BTBD3: variants seen among roughly 807,000 people sequenced by gnomAD.
The protein encoded by BTBD3 is BTB/POZ domain-containing protein 3.
In BTBD3, 14 loss-of-function variants were observed where a neutral mutation model predicts 41.6. That is an observed-to-expected ratio of 0.34 (90% confidence interval 0.22 to 0.53). The LOEUF (loss-of-function observed/expected upper bound fraction) is 0.53. Ranked by LOEUF, BTBD3 falls within the 20% of genes least tolerant of loss-of-function variation. BTBD3 has a pLI of 0.95. For missense variants in BTBD3, 426 were observed against 654.7 expected (o/e 0.65, Z 3.81); for synonymous variants, 249 against 233.7 (o/e 1.07, Z -0.60).
upstream of BTBD3, among the ~76,000 whole-genome samples, chr20:11,914,599 A>G (rs2056907224): frequency 6.6e-6 from 1 of 152,012 alleles, no homozygotes; most frequent in Admixed American, 6.6e-5. Context: ...CATTGTGCAC[A>G]TGTACACTAA....
chr20:11,913,337 A>AGCAGC (rs1417540983), upstream of BTBD3: 1 of 152,160 alleles, frequency 6.6e-6, no homozygotes, highest in African/African-American at 2.4e-5. Flanking sequence ...TCTGTTTTTG[A>AGCAGC]GCAGCGTCCT....
chr20:11,922,992 C>T lies in BTBD3; in HGVS notation c.895C>T (p.Arg299Ter). The T allele has an allele frequency of 1.2e-6, 2 of 1,614,190 alleles. No homozygotes were observed. Among genetic ancestry groups the T allele is most frequent in the Non-Finnish European group, 1.7e-6 (2 of 1,180,040 alleles). The change falls in exon 4 of 4, where the codon CGA becomes TGA. Residue 299 changes from arginine (R) to a stop codon, truncating the protein, a stop_gained. Transcript: ENST00000378226. LOFTEE classifies it high-confidence loss of function. ...ALNWAEVECQRQDLALSIENK... is the reference protein window; with the variant it reads ...ALNWAEVECQ ...CAACTGGGCTGAAGTAGAATGCCAA[C>T]GACAAGATCTGGCGTTGAGCATTGA...
Position 11,919,705 on chromosome 20 carries a change from C to T in BTBD3, c.418-13C>T. ...AATTTAGTGTATGAAATAAGATTTCCCTTTCTACACAGTATGTTTTAGCTG... is the reference window on the plus strand; with the variant it reads ...AATTTAGTGTATGAAATAAGATTTCTCTTTCTACACAGTATGTTTTAGCTG... On this transcript the variant is annotated splice_polypyrimidine_tract_variant and intron_variant, in intron 2 of 3. Transcript: ENST00000378226. 6.2e-7 allele frequency: 1 copy of T among 1,610,282 alleles called. No individual in the cohort carries two copies. Among genetic ancestry groups the T allele is most frequent in the Middle Eastern group, 1.7e-4 (1 of 6,054 alleles).
chr20:11,924,878 TTTA>T lies in BTBD3; in HGVS notation c.*1217_*1219del, dbSNP rs2057005812. Reference sequence around the variant, plus strand: ...TAAAAAATGGCCTGGAGTGACACATTTTATTATACCTAATATTCACTGCATCAG... The same window carrying T: ...TAAAAAATGGCCTGGAGTGACACATTTTATACCTAATATTCACTGCATCAG... On this transcript the variant is annotated 3_prime_UTR_variant, in exon 4 of 4. Transcript: ENST00000378226. 1 of 152,656 alleles carries T rather than the reference TTTA, an allele frequency of 6.6e-6. No homozygotes were observed. Among genetic ancestry groups the T allele is most frequent in the Non-Finnish European group, 1.5e-5 (1 of 68,042 alleles). The allele number at this position is 152,656 out of a possible 1,614,324, so 9.5% of individuals were successfully genotyped here. A position where few individuals can be genotyped will look rare whatever the true frequency, so the allele number is the denominator to read the frequency against.
At chr20:11,892,655 C>T (rs562838787) in intron 1 of BTBD3, 1 of 152,306 alleles carries the variant, frequency 6.6e-6, no homozygotes, top group South Asian at 2.1e-4. Context: ...CTTGATTTCT[C>T]ATTCTTTCCC....
chr20:11,906,370 T>C lies in BTBD3; in HGVS notation c.-125-11964T>C, dbSNP rs567167171. Among the ~76,000 whole-genome samples, 162 of 147,142 alleles carry C rather than the reference T, an allele frequency of 1.1e-3. 1 individual carries two copies. Among genetic ancestry groups the C allele is most frequent in the African/African-American group, 3.9e-3 (156 of 40,080 alleles). On this transcript the variant is annotated intron_variant, in intron 1 of 4. Coordinates refer to the BTBD3 transcript ENST00000254977. The stretch of plus-strand genomic sequence containing the variant: ...ACCTCTGCCTCCCAGGCTCAAGTAT[T>C]CTCCTGCCTCAGCCTCTCAAGTAGC...
chr20:11,922,713 C>G lies in BTBD3; in HGVS notation c.616C>G (p.Pro206Ala). The G allele has an allele frequency of 6.2e-7, 1 of 1,614,178 alleles. No homozygotes were observed. Among genetic ancestry groups the G allele is most frequent in the Non-Finnish European group, 8.5e-7 (1 of 1,180,040 alleles). The change falls in exon 4 of 4, where the codon CCT becomes GCT. Residue 206 changes from proline (P) to alanine (A), a missense_variant. Around this residue, in one of 3 missense-constraint regions of BTBD3, gnomAD observed 321 missense variants for 534.8 expected, o/e 0.60. Transcript: ENST00000378226. ...TLYAAKKYIV[P>A]HLARACVNFL... The stretch of plus-strand genomic sequence containing the variant: ...TTATGCTGCCAAAAAGTACATTGTC[C>G]CTCACCTTGCCAGAGCCTGTGTTAA...
intron 1 of BTBD3, among the ~76,000 whole-genome samples, chr20:11,909,150 T>A (rs1850699811): frequency 1.3e-5 from 2 of 151,954 alleles, no homozygotes; most frequent in South Asian, 4.2e-4. Context: ...GGCGCATTCC[T>A]GTAATCTCAG....
In BTBD3 at chr20:11,922,823, G is replaced by C. The variant is rs1312545028; in HGVS notation, c.726G>C (p.Gln242His). 6.2e-7 allele frequency: 1 copy of C among 1,614,112 alleles called. No homozygotes were observed. Among genetic ancestry groups the C allele is most frequent in the African/African-American group, 1.3e-5 (1 of 74,940 alleles). ...TGTTCGAGGAGCCAGACCTGACCCA[G>C]CGTTGCTGGGAGGTGATTGATGCCC... is the stretch of plus-strand genomic sequence containing the variant. ...SCLFEEPDLT[Q>H]RCWEVIDAQA... Residue 242 changes from glutamine (Q) to histidine (H), a missense_variant, in exon 4 of 4, where the codon CAG becomes CAC. Physicochemically the swap from Gln to His is conservative, Grantham distance 24. Coordinates refer to ENST00000378226, the MANE Select transcript of BTBD3 (RefSeq NM_014962.4).
chr20:11,895,580 G>C lies in BTBD3; in HGVS notation c.-126+4626G>C, dbSNP rs533110559. 1.3e-3 allele frequency among the ~76,000 whole-genome samples: 192 copies of C among 152,056 alleles called. 3 individuals are homozygous for C. The highest frequency in any genetic ancestry group is 3.6e-3 in the Middle Eastern group (1 of 278). ...AGTGTAGGTTCCAGTGTTCATGGAG[G>C]AATCTGGCTGGGGTTTCAGCATTCT... On this transcript the variant is annotated intron_variant, in intron 1 of 4. Coordinates refer to the BTBD3 transcript ENST00000254977.
chr20:11,923,405 G>A lies in BTBD3; in HGVS notation c.1308G>A (p.Gly436=). 1 of 1,614,202 alleles carries A rather than the reference G, an allele frequency of 6.2e-7. No individual in the cohort carries two copies. Among genetic ancestry groups the A allele is most frequent in the South Asian group, 1.1e-5 (1 of 91,080 alleles). Residue 436 remains glycine (G), a synonymous_variant, in exon 4 of 4, where the codon GGG becomes GGA. Transcript: ENST00000378226. The surrounding 1 kb of genome is among the most constrained non-coding windows in gnomAD (Gnocchi z 5.3). ...IELKRQGVVL[G]QNLSKYFSDG... ...TTAAGCGGCAGGGCGTTGTCCTGGG[G>A]CAGAACTTGAGCAAGTACTTCTCAG...
intron 1 of BTBD3, among the ~76,000 whole-genome samples, chr20:11,894,573 G>A (rs953210384): frequency 6.6e-6 from 1 of 150,964 alleles, no homozygotes; most frequent in Non-Finnish European, 1.5e-5. Context: ...ACTTTAAAGT[G>A]GTGATTTAAA....
chr20:11,898,406 G>T (rs1196642793), intron 1 of BTBD3, among the ~76,000 whole-genome samples: 1 of 152,104 alleles, frequency 6.6e-6, no homozygotes, highest in Non-Finnish European at 1.5e-5. Flanking sequence ...ATAGCATTTT[G>T]TCTGTGCGAT....
chr20:11,911,317 A>G (rs1381245874), intron 1 of BTBD3, among the ~76,000 whole-genome samples: 1 of 152,234 alleles, frequency 6.6e-6, no homozygotes, highest in African/African-American at 2.4e-5. Context: ...GGTCATAATC[A>G]TATTAAAATG....
At chr20:11,908,618 C>A (rs1462371485) in intron 1 of BTBD3, among the ~76,000 whole-genome samples, 1 of 151,612 alleles carries the variant, frequency 6.6e-6, no homozygotes, top group African/African-American at 2.4e-5. Flanking sequence ...TATATAGTAG[C>A]TCTTAATTAA....
At chr20:11,897,301 A>G (rs1017545253) in intron 1 of BTBD3, among the ~76,000 whole-genome samples, 3 of 152,220 alleles carry the variant, frequency 2.0e-5, no homozygotes, top group Admixed American at 6.5e-5. Context: ...TATGTGAAAG[A>G]CGCTTCAGCC....
intron 1 of BTBD3, among the ~76,000 whole-genome samples, chr20:11,903,146 C>A (rs6078382): frequency 0.34 from 51,442 of 151,906 alleles, 9,246 homozygotes; most frequent in Non-Finnish European, 0.4. Flanking sequence ...AAACTGTTTT[C>A]TTCTATTTAG....
chr20:11,920,716 T>A (rs1266531789), intron 3 of BTBD3, among the ~76,000 whole-genome samples: 2 of 152,204 alleles, frequency 1.3e-5, no homozygotes, highest in African/African-American at 4.8e-5. Context: ...TGTATTACTT[T>A]AAGGTTATCT....
chr20:11,919,809 A>G lies in BTBD3; in HGVS notation c.509A>G (p.Glu170Gly). Residue 170 changes from glutamate to glycine, a missense_variant, in exon 3 of 4, where the codon GAA becomes GGA. Transcript: ENST00000378226. ...GATGAAATCCGTATACCAGATGTCG[A>G]ACCTGCTGCTTTTCTCGCTATGCTG... Reference protein sequence around the residue: ...DKDEIRIPDVEPAAFLAMLKY... With the variant: ...DKDEIRIPDVGPAAFLAMLKY... 6.2e-7 allele frequency: 1 copy of G among 1,614,160 alleles called. No homozygotes were observed. The highest frequency in any genetic ancestry group is 8.5e-7 in the Non-Finnish European group (1 of 1,180,006).
Sources: allele counts gnomAD v4.1 joint callset (sites outside exome capture counted in the v4.1 genomes callset), GRCh38; gene constraint gnomAD v4.1.1; regional missense constraint gnomAD v4.1.1; non-coding constraint Gnocchi (gnomAD v3.1); transcripts MANE v1.5; gene names NCBI Gene and HGNC (gene_info 2026-07-23, HGNC 2026-07-21).